MPHOSPH9: variants seen among roughly 807,000 people sequenced by gnomAD.
MPHOSPH9 encodes the protein M-phase phosphoprotein 9.
In MPHOSPH9, 88 loss-of-function variants were observed where a neutral mutation model predicts 145.5. The observed-to-expected ratio is 0.60, with a 90% CI of 0.51 to 0.72. MPHOSPH9 has a LOEUF of 0.72. MPHOSPH9 is among the 30% of genes least tolerant of loss of function. MPHOSPH9 has a pLI of 0.00. For synonymous variants in MPHOSPH9, 435 were observed against 486.2 expected, an observed-to-expected ratio of 0.89 and a Z score of 1.39; for missense variants, 1,238 against 1,386.6, an observed-to-expected ratio of 0.89 and a Z score of 1.70.
chr12:123,202,020 G>T (rs1393881107), intron 11 of MPHOSPH9, 144 bp downstream of exon 11: 2 of 868,490 alleles, frequency 2.3e-6, no homozygotes, highest in Admixed American at 3.1e-5. Context: ...TAAGAGGGGG[G>T]TTTAGCTTCA....
At chr12:123,238,690 CA>C (rs2047887915) in intron 1 of MPHOSPH9, among the ~76,000 whole-genome samples, 1 of 152,156 alleles carries the variant, frequency 6.6e-6, no homozygotes. Flanking sequence ...TGTTCTGGAA[CA>C]ATGCTTGTCA....
chr12:123,182,437 C>A (rs1347386553), intron 13 of MPHOSPH9, among the ~76,000 whole-genome samples: 2 of 150,152 alleles, frequency 1.3e-5, no homozygotes, highest in African/African-American at 4.9e-5. Flanking sequence ...TATTAGATGG[C>A]GTCTCATCAT....
chr12:123,162,815 G>T, intron 20 of MPHOSPH9, 199 bp downstream of exon 20: 1 of 462,276 alleles, frequency 2.2e-6, no homozygotes, highest in Non-Finnish European at 3.7e-6. Context: ...TCTAGTAGTA[G>T]CAAGTTTACA....
rs568954604 is a variant in MPHOSPH9, at chr12:123,159,406, G to C, written c.3450+1375C>G. On this transcript the variant is annotated intron_variant, in intron 23 of 23. Transcript: ENST00000606320. This position sits in a 1 kb window ranked among gnomAD's most constrained non-coding sequence, Gnocchi z 4.3. ...TCTTGAACTCCTGACCTCGTGATCC[G>C]CCCACCTCGGCCTCCCAAAGTGCTG... Among the ~76,000 whole-genome samples the C allele has an allele frequency of 8.2e-4, 125 of 152,114 alleles. No homozygotes were observed. Among genetic ancestry groups the C allele is most frequent in the Admixed American group, 3.0e-3 (46 of 15,284 alleles).
At chr12:123,170,535 G>A (rs2044533795) in intron 16 of MPHOSPH9, among the ~76,000 whole-genome samples, 1 of 152,114 alleles carries the variant, frequency 6.6e-6, no homozygotes, top group African/African-American at 2.4e-5. Flanking sequence ...CCCCACCTTG[G>A]CCTCCCAAAA....
chr12:123,187,118 G>C (rs76152284), intron 13 of MPHOSPH9, among the ~76,000 whole-genome samples: 7,764 of 152,018 alleles, frequency 0.051, 340 homozygotes, highest in East Asian at 0.27. Context: ...AAAACTAGCC[G>C]GGTGTTGTGG....
At chr12:123,237,215 G>A (rs1314711122), upstream of MPHOSPH9, among the ~76,000 whole-genome samples, 3 of 152,116 alleles carry the variant, frequency 2.0e-5, no homozygotes, top group Non-Finnish European at 4.4e-5. Flanking sequence ...CCAGGACTAC[G>A]GGAGGCCAAG....
At chr12:123,220,599 T>C (rs1458976633) in intron 5 of MPHOSPH9, among the ~76,000 whole-genome samples, 1 of 151,886 alleles carries the variant, frequency 6.6e-6, no homozygotes, top group Non-Finnish European at 1.5e-5. Flanking sequence ...GGTAACCCTG[T>C]ATATAATTTT....
chr12:123,220,641 C>A (rs967506999), intron 5 of MPHOSPH9, among the ~76,000 whole-genome samples: 1 of 152,044 alleles, frequency 6.6e-6, no homozygotes, highest in Non-Finnish European at 1.5e-5. Flanking sequence ...ACATAGCACG[C>A]GCTCATAGTC....
intron 3 of MPHOSPH9, among the ~76,000 whole-genome samples, chr12:123,225,572 T>C (rs1431306839): frequency 1.6e-5 from 1 of 61,106 alleles, no homozygotes; most frequent in Non-Finnish European, 3.1e-5. Flanking sequence ...AGAGGAGAGG[T>C]GGGGCAGGGA....
intron 1 of MPHOSPH9, among the ~76,000 whole-genome samples, chr12:123,240,872 C>T (rs1489805479): frequency 6.6e-6 from 1 of 151,390 alleles, no homozygotes; most frequent in Admixed American, 6.6e-5. Flanking sequence ...ACCACTGCAC[C>T]CAGCTAATTT....
chr12:123,232,730 GC>G (rs1249643360), intron 1 of MPHOSPH9, among the ~76,000 whole-genome samples: 2 of 152,048 alleles, frequency 1.3e-5, no homozygotes, highest in African/African-American at 4.8e-5. Context: ...AAAAGCCACC[GC>G]TCCTGCAACT....
At chr12:123,206,090 G>A (rs1177008924) in intron 8 of MPHOSPH9, among the ~76,000 whole-genome samples, 4 of 152,152 alleles carry the variant, frequency 2.6e-5, no homozygotes, top group South Asian at 2.1e-4. Flanking sequence ...ATGCAGAATC[G>A]CTGATGCTCT....
At chr12:123,188,167 T>C (rs2045531368) in intron 13 of MPHOSPH9, among the ~76,000 whole-genome samples, 1 of 152,032 alleles carries the variant, frequency 6.6e-6, no homozygotes, top group Non-Finnish European at 1.5e-5. Context: ...TTGTATCCCA[T>C]AAAAATACCA....
rs2044876054 is a variant in MPHOSPH9 at position 123,176,607 on chromosome 12, G to A, written c.2456+81C>T. ...TGACATTTAACCCGGACTTTCTTATGATTTAGACAGATGAGTTTCTCGTCT... is the reference window on the plus strand; with the variant it reads ...TGACATTTAACCCGGACTTTCTTATAATTTAGACAGATGAGTTTCTCGTCT... On this transcript the variant is annotated intron_variant, in intron 16 of 23. Transcript: ENST00000606320. 5.7e-6 allele frequency: 6 copies of A among 1,058,122 alleles called. No individual in the cohort carries two copies. The East Asian group carries it at 1.5e-4, about 26-fold the overall frequency. 65.5% of individuals were successfully genotyped at this position (1,058,122 alleles called of 1,614,324 possible). A position where few individuals can be genotyped will look rare whatever the true frequency, so the allele number is the denominator to read the frequency against.
intron 13 of MPHOSPH9, among the ~76,000 whole-genome samples, chr12:123,186,227 CAAAAAAA>C (rs35294099): frequency 8.0e-4 from 81 of 101,298 alleles, no homozygotes; most frequent in Non-Finnish European, 1.2e-3. Flanking sequence ...AACTCCGTCT[CAAAAAAA>C]AAAAAAAAAA....
At chr12:123,174,436 G>C (rs758317066) in intron 16 of MPHOSPH9, among the ~76,000 whole-genome samples, 1 of 150,796 alleles carries the variant, frequency 6.6e-6, no homozygotes, top group Non-Finnish European at 1.5e-5. Flanking sequence ...GCAGTGGCGC[G>C]ATCTTGGCTC....
chr12:123,207,486 CA>C (rs529938924), intron 8 of MPHOSPH9, among the ~76,000 whole-genome samples: 197 of 152,294 alleles, frequency 1.3e-3, no homozygotes, highest in Non-Finnish European at 2.4e-3. Flanking sequence ...ATATGTCATT[CA>C]TTTTTATGTC....
chr12:123,193,108 TACAC>T (rs4044136), intron 13 of MPHOSPH9, among the ~76,000 whole-genome samples: 2,881 of 94,402 alleles, frequency 0.031, 112 homozygotes, highest in South Asian at 0.081. Context: ...TATATATATA[TACAC>T]ACACACACAC....
Sources: allele counts gnomAD v4.1 joint callset (sites outside exome capture counted in the v4.1 genomes callset), GRCh38; gene constraint gnomAD v4.1.1; non-coding constraint Gnocchi (gnomAD v3.1); transcripts MANE v1.5; gene names NCBI Gene and HGNC (gene_info 2026-07-23, HGNC 2026-07-21).